MEGF9: variants seen among roughly 807,000 people sequenced by gnomAD.
MEGF9 encodes the protein multiple epidermal growth factor-like domains protein 9.
In MEGF9, 6 loss-of-function variants were observed where a neutral mutation model predicts 46.8. The ratio of observed to expected loss-of-function variants is 0.13; its 90% CI spans 0.07 to 0.25. The LOEUF (loss-of-function observed/expected upper bound fraction) is 0.25, where lower values mean the gene tolerates loss of function less well. Ranked by LOEUF, MEGF9 falls within the 10% of genes least tolerant of loss-of-function variation. The pLI is 1.00. For synonymous variants in MEGF9, 302 were observed against 330.7 expected (o/e 0.91, Z 0.94); for missense variants, 683 against 792.4 (o/e 0.86, Z 1.66).
At chr9:120,701,957 A>G (rs540780281) in intron 1 of MEGF9, among the ~76,000 whole-genome samples, 17 of 152,122 alleles carry the variant, frequency 1.1e-4, no homozygotes, top group African/African-American at 3.9e-4. Flanking sequence ...GCAGGCGAAT[A>G]GCGTGAACCC....
chr9:120,630,209 C>A lies in MEGF9; in HGVS notation c.804-7454G>T, dbSNP rs141508174. ...CTCCCACCTTTTCTACCTTTAATAA[C>A]CACTATTCTACTTTCTACTTCTATG... On this transcript the variant is annotated intron_variant, in intron 2 of 5. Coordinates refer to ENST00000373930, the MANE Select transcript of MEGF9 (RefSeq NM_001080497.3). Among the ~76,000 whole-genome samples the A allele has an allele frequency of 2.8e-4, 42 of 152,302 alleles. No individual in the cohort carries two copies. The East Asian group carries it at 7.9e-3, about 29-fold the overall frequency.
intron 1 of MEGF9, among the ~76,000 whole-genome samples, chr9:120,666,540 C>G (rs568328124): frequency 2.6e-4 from 39 of 152,304 alleles, no homozygotes; most frequent in Admixed American, 2.4e-3. Flanking sequence ...TCAAAAATTA[C>G]TGGTGTTAAG....
chr9:120,622,632 A>G lies in MEGF9; in HGVS notation c.927T>C (p.Ser309=). The change falls in exon 3 of 6, where the codon AGT becomes AGC. Residue 309 remains serine (S), a synonymous_variant. Transcript: ENST00000373930. ...AGTACGTACCTGTGAGGGCATCGCA[A>G]CTGGCAGACCGATTATTGCATTGGC... ...LPCQCNNRSA[S]CDALTGACLN... The G allele has an allele frequency of 2.5e-6, 4 of 1,613,788 alleles. No individual in the cohort carries two copies. Among genetic ancestry groups the G allele is most frequent in the Non-Finnish European group, 3.4e-6 (4 of 1,179,838 alleles).
chr9:120,674,238 C>T (rs2043763005), intron 1 of MEGF9, among the ~76,000 whole-genome samples: 1 of 152,124 alleles, frequency 6.6e-6, no homozygotes, highest in South Asian at 2.1e-4. Context: ...TTGCAAATCA[C>T]ATTTCTGTCA....
intron 1 of MEGF9, among the ~76,000 whole-genome samples, chr9:120,712,353 A>G (rs73537860): frequency 0.016 from 2,419 of 152,322 alleles, 63 homozygotes; most frequent in African/African-American, 0.055. Context: ...AAAGAAACTG[A>G]GTCCAAAGAG....
At chr9:120,687,115 A>G (rs2043826285) in intron 1 of MEGF9, among the ~76,000 whole-genome samples, 4 of 152,268 alleles carry the variant, frequency 2.6e-5, no homozygotes, top group Non-Finnish European at 5.9e-5. Context: ...TAAAATTTAT[A>G]GAATCATCTA....
intron 1 of MEGF9, among the ~76,000 whole-genome samples, chr9:120,681,522 T>G (rs1227654054): frequency 1.3e-5 from 2 of 152,136 alleles, no homozygotes; most frequent in African/African-American, 2.4e-5. Context: ...AAGACAAGTT[T>G]ACTTATATGT....
chr9:120,678,162 A>C (rs1472595988), intron 1 of MEGF9, among the ~76,000 whole-genome samples: 1 of 152,220 alleles, frequency 6.6e-6, no homozygotes, highest in Non-Finnish European at 1.5e-5. Flanking sequence ...CATTGTGTAT[A>C]TGCACCACAT....
In MEGF9 at chr9:120,604,307, T is replaced by A. The variant is rs140014015; in HGVS notation, c.*883A>T. On this transcript the variant is annotated 3_prime_UTR_variant, in exon 6 of 6. Transcript: ENST00000373930. ...AGTCCCAGCTCTAGCAATATTGCCATCTATTTTACAGTATTTTAAGCAATC... is the reference window on the plus strand; with the variant it reads ...AGTCCCAGCTCTAGCAATATTGCCAACTATTTTACAGTATTTTAAGCAATC... 1 of 152,542 alleles carries A rather than the reference T, an allele frequency of 6.6e-6. No homozygotes were observed. Among genetic ancestry groups the A allele is most frequent in the Non-Finnish European group, 1.5e-5 (1 of 68,030 alleles). 9.4% of individuals were successfully genotyped at this position (152,542 alleles called of 1,614,324 possible). A position where few individuals can be genotyped will look rare whatever the true frequency, so the allele number is the denominator to read the frequency against.
intron 1 of MEGF9, among the ~76,000 whole-genome samples, chr9:120,690,615 T>C (rs1368232497): frequency 6.6e-6 from 1 of 152,264 alleles, no homozygotes; most frequent in East Asian, 1.9e-4. Context: ...TGAATGGTAG[T>C]ACAGACTCTT....
intron 2 of MEGF9, among the ~76,000 whole-genome samples, chr9:120,646,211 C>T (rs950650957): frequency 2.0e-5 from 3 of 152,132 alleles, no homozygotes; most frequent in Non-Finnish European, 2.9e-5. Flanking sequence ...TAATATTACC[C>T]TAATTTTGGC....
chr9:120,627,407 T>C (rs16909965), intron 2 of MEGF9, among the ~76,000 whole-genome samples: 2,292 of 152,314 alleles, frequency 0.015, 58 homozygotes, highest in African/African-American at 0.052. Context: ...GGTATCACAT[T>C]ATCAATTTTA....
Position 120,612,448 on chromosome 9 carries a change from T to C in MEGF9, c.1035A>G (p.Glu345=). 6.2e-7 allele frequency: 1 copy of C among 1,613,714 alleles called. No individual in the cohort carries two copies. Among genetic ancestry groups the C allele is most frequent in the Admixed American group, 1.7e-5 (1 of 60,010 alleles). ...CTGCTGAACAAGGGCAGCGAAGACA[T>C]TCTTTAGTGGCATCAGGACTCTGAT... ...GFYQSPDATK[E]CLRCPCSAVT... The change falls in exon 4 of 6, where the codon GAA becomes GAG. Residue 345 remains glutamate (E), a synonymous_variant. Transcript: ENST00000373930.
At chr9:120,637,790 CAAAAAAAAAA>C (rs34861368) in intron 2 of MEGF9, among the ~76,000 whole-genome samples, 73 of 34,792 alleles carry the variant, frequency 2.1e-3, no homozygotes, top group African/African-American at 7.8e-3. Flanking sequence ...GACTCTGTCT[CAAAAAAAAAA>C]AAAAAAAAAA....
chr9:120,680,892 C>T (rs924052951), intron 1 of MEGF9, among the ~76,000 whole-genome samples: 18 of 152,008 alleles, frequency 1.2e-4, no homozygotes, highest in African/African-American at 4.3e-4. Context: ...GTGGTGAATG[C>T]TGCCAGGCCT....
intron 4 of MEGF9, among the ~76,000 whole-genome samples, chr9:120,612,057 A>C (rs1355342063): frequency 6.6e-6 from 1 of 152,190 alleles, no homozygotes; most frequent in Non-Finnish European, 1.5e-5. Context: ...ATCAGGATTA[A>C]ATGAGTCAAC....
chr9:120,625,139 T>C (rs2043518561), intron 2 of MEGF9, among the ~76,000 whole-genome samples: 1 of 152,120 alleles, frequency 6.6e-6, no homozygotes, highest in Non-Finnish European at 1.5e-5. Flanking sequence ...TATCTCAAAT[T>C]AAACCTGTCT....
In MEGF9 at chr9:120,691,263, G is replaced by A; in HGVS notation, c.601+22495C>T. The A allele has an allele frequency of 1.0e-5, 2 of 193,422 alleles. 1 individual carries two copies. The highest frequency in any genetic ancestry group is 1.6e-4 in the South Asian group (2 of 12,520). 12.0% of individuals were successfully genotyped at this position (193,422 alleles called of 1,614,324 possible). The stretch of plus-strand genomic sequence containing the variant: ...TTAGCTCTAGCAACATAAATGGATA[G>A]GGGTGTGGATGAGGCAGGACTGGCC... On this transcript the variant is annotated intron_variant, in intron 1 of 5. Coordinates refer to ENST00000373930, the MANE Select transcript of MEGF9 (RefSeq NM_001080497.3).
At chr9:120,645,934 T>C (rs954496955) in intron 2 of MEGF9, among the ~76,000 whole-genome samples, 20 of 152,224 alleles carry the variant, frequency 1.3e-4, no homozygotes, top group Admixed American at 3.9e-4. Context: ...TGCTGGAGCA[T>C]AGGAAAGCAG....
Sources: gnomAD v4.1 joint callset for allele counts (sites outside exome capture counted in the v4.1 genomes callset) on GRCh38, gnomAD v4.1.1 for gene constraint, MANE v1.5 for transcripts, NCBI Gene and HGNC (gene_info 2026-07-23, HGNC 2026-07-21) for gene names.